Variants in CNNM2 observed in about 807,000 individuals in gnomAD.
The protein encoded by CNNM2 is cyclin and CBS domain divalent metal cation transport mediator 2, also known as metal transporter CNNM2.
CNNM2 carries 12 observed loss-of-function variants against 66.9 expected under a neutral mutation model. That is an observed-to-expected ratio of 0.18 (90% CI 0.11 to 0.29). CNNM2 has a LOEUF of 0.29. Among genes scored for constraint, CNNM2 ranks in the 10% least tolerant of loss-of-function variants. CNNM2 has a pLI of 1.00. For missense variants in CNNM2, 705 were observed against 1,167.7 expected, an observed-to-expected ratio of 0.60 and a Z score of 5.77; for synonymous variants, 557 against 501.8, an observed-to-expected ratio of 1.11 and a Z score of -1.47.
At chr10:103,034,066 A>G (rs936924792) in intron 1 of CNNM2, among the ~76,000 whole-genome samples, 1 of 152,028 alleles carries the variant, frequency 6.6e-6, no homozygotes, top group Non-Finnish European at 1.5e-5. Context: ...GATAATTAAT[A>G]CATTGGATAA....
At chr10:103,055,118 T>A (rs1210409961) in intron 3 of CNNM2, among the ~76,000 whole-genome samples, 1 of 152,184 alleles carries the variant, frequency 6.6e-6, no homozygotes, top group Non-Finnish European at 1.5e-5. Flanking sequence ...CACTGACTGC[T>A]CCAGAGAGGT....
In CNNM2 at chr10:103,089,687, C is replaced by T. The variant is rs553419003; in HGVS notation, c.*12507C>T. The T allele has an allele frequency of 4.7e-5, 75 of 1,606,668 alleles. 2 individuals are homozygous for T. In the Middle Eastern group the frequency reaches 1.0e-3, roughly 22 times the overall value. On this transcript the variant is annotated 3_prime_UTR_variant, in exon 8 of 8. Transcript: ENST00000369878. ...GTTTTCCTCCTTATTCTTCCTCCTC[C>T]TCCTCCTCTTCATCATCATCTTCGT...
rs1202834396 is a variant in CNNM2, at chr10:103,049,636, C to T, written c.1622-71C>T. Reference sequence around the variant, plus strand: ...ACATCTGTGTTTGCTGGTGTTTTTACCATATCACATATAACATGTCATTCA... The same window carrying T: ...ACATCTGTGTTTGCTGGTGTTTTTATCATATCACATATAACATGTCATTCA... On this transcript the variant is annotated intron_variant, in intron 1 of 7. Transcript: ENST00000369878. The T allele has an allele frequency of 3.6e-6, 5 of 1,401,364 alleles. No individual in the cohort carries two copies. In the East Asian group the frequency reaches 1.2e-4, roughly 32 times the overall value. The allele number at this position is 1,401,364 out of a possible 1,614,324, so 86.8% of individuals were successfully genotyped here.
intron 6 of CNNM2, 45 bp downstream of exon 6, chr10:103,071,884 C>T: frequency 6.4e-7 from 1 of 1,566,528 alleles, no homozygotes; most frequent in South Asian, 1.1e-5. Context: ...GATTGCCTTC[C>T]TTGCCCCCCA....
intron 1 of CNNM2, among the ~76,000 whole-genome samples, chr10:102,935,028 G>A (rs1263226134): frequency 5.3e-5 from 8 of 150,718 alleles, no homozygotes; most frequent in African/African-American, 1.7e-4. Context: ...GCATGGTGGC[G>A]GGCACCTGTA....
chr10:102,984,315 T>TA (rs138113585), intron 1 of CNNM2, among the ~76,000 whole-genome samples: 11 of 152,240 alleles, frequency 7.2e-5, no homozygotes, highest in Non-Finnish European at 1.3e-4. Flanking sequence ...GATAAACAAT[T>TA]ATAGGGTTTT....
chr10:102,922,937 C>CAA lies in CNNM2; in HGVS notation c.1621+2853_1621+2854dup, dbSNP rs60845072. On this transcript the variant is annotated intron_variant, in intron 1 of 7. Coordinates refer to ENST00000369878, the MANE Select transcript of CNNM2 (RefSeq NM_017649.5). ...AGCCTTGGGGACAAAGACCCTGTCT[C>CAA]AAAAAAAAAAAAAAAAAAGAAACAA... 4.3e-3 allele frequency among the ~76,000 whole-genome samples: 385 copies of CAA among 89,568 alleles called. 1 individual carries two copies. Among genetic ancestry groups the CAA allele is most frequent in the African/African-American group, 0.011 (254 of 23,496 alleles). 58.8% of individuals were successfully genotyped at this position (89,568 alleles called of 152,430 possible). A position where few individuals can be genotyped will look rare whatever the true frequency, so the allele number is the denominator to read the frequency against.
chr10:102,942,074 T>G (rs2134179887), intron 1 of CNNM2, among the ~76,000 whole-genome samples: 1 of 152,372 alleles, frequency 6.6e-6, no homozygotes, highest in African/African-American at 2.4e-5. Context: ...ACCTAGTAGC[T>G]CCACTTCCAG....
intron 1 of CNNM2, among the ~76,000 whole-genome samples, chr10:102,968,608 CTT>C (rs547393785): frequency 2.1e-5 from 3 of 142,666 alleles, no homozygotes. Flanking sequence ...GAGTGTAGTG[CTT>C]TTTTTTTTTT....
chr10:103,002,597 A>G (rs901869306), intron 1 of CNNM2, among the ~76,000 whole-genome samples: 28 of 150,914 alleles, frequency 1.9e-4, no homozygotes, highest in African/African-American at 2.4e-5. Flanking sequence ...CTCCTGCCTC[A>G]GTCTCCTGAG....
rs2134148500 is a variant in CNNM2, at chr10:102,918,446, T to G, written c.-35T>G. The G allele has an allele frequency of 6.3e-7, 1 of 1,588,574 alleles. No homozygotes were observed. The highest frequency in any genetic ancestry group is 8.5e-7 in the Non-Finnish European group (1 of 1,172,062). On this transcript the variant is annotated 5_prime_UTR_variant, in exon 1 of 8. Coordinates refer to ENST00000369878, the MANE Select transcript of CNNM2 (RefSeq NM_017649.5). The surrounding 1 kb of genome is among the most constrained non-coding windows in gnomAD (Gnocchi z 4.1). ...GGTACCTGCGCTCGCGCCGCCGGGTTGAAAGGATGAAGCCGCAGCTGGAGC... is the reference window on the plus strand; with the variant it reads ...GGTACCTGCGCTCGCGCCGCCGGGTGGAAAGGATGAAGCCGCAGCTGGAGC...
intron 1 of CNNM2, chr10:103,027,549 A>C (rs2064730604): frequency 6.6e-6 from 1 of 152,248 alleles, no homozygotes; most frequent in Non-Finnish European, 1.5e-5. Flanking sequence ...AACAATTTGT[A>C]GAGTTGCTAT....
At chr10:103,040,147 A>G (rs1319304242) in intron 1 of CNNM2, among the ~76,000 whole-genome samples, 1 of 152,108 alleles carries the variant, frequency 6.6e-6, no homozygotes, top group African/African-American at 2.4e-5. Context: ...AGCCTGCTTA[A>G]CAGAGTGAGA....
chr10:103,054,573 TA>T lies in CNNM2; in HGVS notation c.1903+109del. 1 of 1,153,292 alleles carries T rather than the reference TA, an allele frequency of 8.7e-7. No individual in the cohort carries two copies. 71.4% of individuals were successfully genotyped at this position (1,153,292 alleles called of 1,614,324 possible). Reference sequence around the variant, plus strand: ...GGGTGGACACTGGGAAATGGGGTGATAAGTAATGCCACTTTTGTGTTTTGTT... The same window carrying T: ...GGGTGGACACTGGGAAATGGGGTGATAGTAATGCCACTTTTGTGTTTTGTT... On this transcript the variant is annotated intron_variant, in intron 3 of 7. Transcript: ENST00000369878. The surrounding 1 kb of genome is among the most constrained non-coding windows in gnomAD (Gnocchi z 5.2).
chr10:103,057,461 G>A (rs1397370145), intron 4 of CNNM2, among the ~76,000 whole-genome samples: 2 of 146,816 alleles, frequency 1.4e-5, no homozygotes, highest in Non-Finnish European at 3.0e-5. Flanking sequence ...GCAAAACCCT[G>A]TTTTAAAAAA....
intron 1 of CNNM2, among the ~76,000 whole-genome samples, chr10:103,034,186 A>AT (rs1202231520): frequency 6.6e-6 from 1 of 151,952 alleles, no homozygotes; most frequent in African/African-American, 2.4e-5. Flanking sequence ...ACTATGTAAT[A>AT]TATGTTTACT....
rs770291605 is a variant in CNNM2, at chr10:103,086,225, A to G, written c.*9045A>G. On this transcript the variant is annotated 3_prime_UTR_variant, in exon 8 of 8. Coordinates refer to ENST00000369878, the MANE Select transcript of CNNM2 (RefSeq NM_017649.5). ...GTTGTGTATCATTTGAAATTGTTCT[A>G]TTTGAGGAAAAACTTTTAAGAAAAG... The G allele has an allele frequency of 6.6e-6, 1 of 152,162 alleles. No homozygotes were observed. Among genetic ancestry groups the G allele is most frequent in the Non-Finnish European group, 1.5e-5 (1 of 68,026 alleles). The allele number at this position is 152,162 out of a possible 1,614,324, so 9.4% of individuals were successfully genotyped here. A position where few individuals can be genotyped will look rare whatever the true frequency, so the allele number is the denominator to read the frequency against.
rs1476615469 is a variant in CNNM2, at chr10:103,025,860, A to G, written c.1622-23847A>G. On this transcript the variant is annotated intron_variant, in intron 1 of 7. Transcript: ENST00000369878. ...ACTGATTCTTTCTGAAAGATTCATC[A>G]TATTTGCTGTGGGTTGAATGTGTCT... is the stretch of plus-strand genomic sequence containing the variant. 2.6e-5 allele frequency among the ~76,000 whole-genome samples: 4 copies of G among 152,198 alleles called. No homozygotes were observed. In the East Asian group the frequency reaches 7.7e-4, roughly 29 times the overall value.
chr10:102,995,584 A>G lies in CNNM2; in HGVS notation c.1622-54123A>G, dbSNP rs1423657179. 4.6e-5 allele frequency among the ~76,000 whole-genome samples: 7 copies of G among 150,718 alleles called. No homozygotes were observed. The Admixed American group carries it at 4.7e-4, about 10-fold the overall frequency. Reference sequence around the variant, plus strand: ...ATTATATGTAGAGTTTTTGGGGGAAAGTTTTCAGGTTATGTAGATAATTTC... The same window carrying G: ...ATTATATGTAGAGTTTTTGGGGGAAGGTTTTCAGGTTATGTAGATAATTTC... On this transcript the variant is annotated intron_variant, in intron 1 of 7. Transcript: ENST00000369878.
Sources: allele counts gnomAD v4.1 joint callset (sites outside exome capture counted in the v4.1 genomes callset), GRCh38; gene constraint gnomAD v4.1.1; non-coding constraint Gnocchi (gnomAD v3.1); transcripts MANE v1.5; gene names NCBI Gene and HGNC (gene_info 2026-07-23, HGNC 2026-07-21).